CCDC178: variants seen among roughly 807,000 people sequenced by gnomAD.
CCDC178 encodes coiled-coil domain containing 178, also known as coiled-coil domain-containing protein 178.
In CCDC178, 126 loss-of-function variants were observed where a neutral mutation model predicts 117.4. That is an observed-to-expected ratio of 1.07 (90% CI 0.93 to 1.24). The LOEUF is 1.24. Among genes scored for constraint, CCDC178 ranks in the 50% most tolerant of loss-of-function variants. The pLI is 0.00. For missense variants in CCDC178, 1,030 were observed against 986.9 expected (o/e 1.04, Z -0.59); for synonymous variants, 283 against 313.4 (o/e 0.90, Z 1.02).
intron 14 of CCDC178, among the ~76,000 whole-genome samples, chr18:33,253,227 A>G (rs1320619812): frequency 1.3e-5 from 2 of 151,934 alleles, no homozygotes; most frequent in Non-Finnish European, 2.9e-5. Flanking sequence ...GGATAACTGA[A>G]CAAAGTCTGT....
chr18:32,988,863 TA>T (rs1219094378), intron 21 of CCDC178, among the ~76,000 whole-genome samples: 1 of 152,044 alleles, frequency 6.6e-6, no homozygotes, highest in East Asian at 1.9e-4. Flanking sequence ...GTAGTAAATT[TA>T]AAATGAAATG....
intron 21 of CCDC178, among the ~76,000 whole-genome samples, chr18:33,083,465 C>T (rs528426457): frequency 1.6e-4 from 24 of 152,286 alleles, no homozygotes; most frequent in African/African-American, 5.5e-4. Context: ...AGTGCTTCCT[C>T]CAAAAACTAG....
chr18:33,230,452 T>C (rs967173431), intron 15 of CCDC178, among the ~76,000 whole-genome samples: 1 of 152,154 alleles, frequency 6.6e-6, no homozygotes, highest in African/African-American at 2.4e-5. Flanking sequence ...AGCTCCCTCC[T>C]CTATCTCCTT....
intron 22 of CCDC178, among the ~76,000 whole-genome samples, chr18:32,951,578 G>T (rs992362625): frequency 6.6e-6 from 1 of 152,194 alleles, no homozygotes; most frequent in African/African-American, 2.4e-5. Flanking sequence ...CACAACACAT[G>T]AAGACTATAG....
intron 21 of CCDC178, among the ~76,000 whole-genome samples, chr18:33,089,410 G>A (rs1191921868): frequency 1.3e-5 from 2 of 152,000 alleles, no homozygotes; most frequent in African/African-American, 2.4e-5. Context: ...GATGATAACA[G>A]TAATAGCAAA....
At chr18:33,169,090 C>T (rs766500970) in intron 20 of CCDC178, among the ~76,000 whole-genome samples, 15 of 152,144 alleles carry the variant, frequency 9.9e-5, no homozygotes, top group African/African-American at 1.9e-4. Flanking sequence ...TGAATCAAAA[C>T]AGACCATTTG....
chr18:33,216,797 C>T (rs1390531511), intron 18 of CCDC178, among the ~76,000 whole-genome samples: 1 of 151,660 alleles, frequency 6.6e-6, no homozygotes, highest in Non-Finnish European at 1.5e-5. Flanking sequence ...ATTTTTTCTC[C>T]TTATACTAGA....
chr18:33,335,327 C>T (rs2062725191), intron 9 of CCDC178, among the ~76,000 whole-genome samples: 1 of 151,856 alleles, frequency 6.6e-6, no homozygotes, highest in East Asian at 1.9e-4. Flanking sequence ...AAATGAAATA[C>T]TTCTAAATGT....
intron 11 of CCDC178, among the ~76,000 whole-genome samples, chr18:33,303,681 A>T (rs1274510268): frequency 6.6e-6 from 1 of 151,988 alleles, no homozygotes; most frequent in South Asian, 2.1e-4. Context: ...TAGTTTTTAA[A>T]AAAAAAAAAA....
chr18:33,180,925 G>T (rs1200674980), intron 20 of CCDC178, among the ~76,000 whole-genome samples: 1 of 152,022 alleles, frequency 6.6e-6, no homozygotes, highest in African/African-American at 2.4e-5. Flanking sequence ...TTAATGCGAG[G>T]TAGGAACTCC....
intron 2 of CCDC178, among the ~76,000 whole-genome samples, chr18:33,432,872 C>G (rs1410035897): frequency 1.3e-5 from 2 of 152,112 alleles, no homozygotes; most frequent in East Asian, 3.8e-4. Flanking sequence ...AACACAGTTA[C>G]ATTGATTAAT....
chr18:33,310,241 G>T (rs2144948280), intron 11 of CCDC178, among the ~76,000 whole-genome samples: 1 of 152,216 alleles, frequency 6.6e-6, no homozygotes, highest in South Asian at 2.1e-4. Flanking sequence ...TTACAGGTGT[G>T]CACCACGCCT....
intron 21 of CCDC178, among the ~76,000 whole-genome samples, chr18:33,015,797 CA>C (rs1286523802): frequency 5.3e-5 from 8 of 151,914 alleles, no homozygotes; most frequent in African/African-American, 1.9e-4. Flanking sequence ...ATAAGAAAAT[CA>C]AAATTATAAA....
At chr18:33,262,823 G>A (rs1183800826) in intron 14 of CCDC178, among the ~76,000 whole-genome samples, 4 of 152,054 alleles carry the variant, frequency 2.6e-5, no homozygotes, top group South Asian at 2.1e-4. Context: ...CTGATTTATC[G>A]AGCATATTTG....
At chr18:32,971,900 T>C (rs1311256159) in intron 22 of CCDC178, among the ~76,000 whole-genome samples, 1 of 152,156 alleles carries the variant, frequency 6.6e-6, no homozygotes, top group Non-Finnish European at 1.5e-5. Context: ...TTTAAGTTCC[T>C]TGTGGATTCT....
chr18:33,175,248 TTCAAATTC>T (rs567235354), intron 20 of CCDC178, among the ~76,000 whole-genome samples: 217 of 152,312 alleles, frequency 1.4e-3, no homozygotes, highest in African/African-American at 5.1e-3. Context: ...AAAATCTGTC[TTCAAATTC>T]TTTTGTCCCA....
At chr18:33,432,736 C>T (rs1268413791) in intron 2 of CCDC178, among the ~76,000 whole-genome samples, 4 of 152,184 alleles carry the variant, frequency 2.6e-5, no homozygotes, top group South Asian at 2.1e-4. Flanking sequence ...GTAAGATAAA[C>T]GTCAGAAATA....
chr18:33,380,190 C>T (rs890307965), intron 5 of CCDC178, among the ~76,000 whole-genome samples: 2 of 152,126 alleles, frequency 1.3e-5, no homozygotes, highest in Non-Finnish European at 2.9e-5. Context: ...GTCTCATCAC[C>T]CAGGAGAAGC....
intron 21 of CCDC178, among the ~76,000 whole-genome samples, chr18:32,983,546 C>A (rs1450432508): frequency 1.3e-5 from 2 of 151,990 alleles, no homozygotes; most frequent in African/African-American, 4.8e-5. Context: ...TAATTAAAAT[C>A]ATATTTAAAG....
Sources: gnomAD v4.1 joint callset for allele counts (sites outside exome capture counted in the v4.1 genomes callset) on GRCh38, gnomAD v4.1.1 for gene constraint, MANE v1.5 for transcripts, NCBI Gene and HGNC (gene_info 2026-07-23, HGNC 2026-07-21) for gene names.